Variants in ATP6V0E1 observed in about 807,000 individuals in gnomAD.
ATP6V0E1 encodes ATPase H+ transporting V0 subunit e1.
Under a neutral mutation model 11.6 loss-of-function variants are expected in ATP6V0E1, and 4 were observed. That is an observed-to-expected ratio of 0.35 (90% confidence interval 0.17 to 0.79). The LOEUF (loss-of-function observed/expected upper bound fraction) is 0.79, where lower values mean the gene tolerates loss of function less well. Among genes scored for constraint, ATP6V0E1 ranks in the 30% least tolerant of loss-of-function variants. The probability of loss-of-function intolerance (pLI) is 0.54; values close to 1 mark genes in which losing one functional copy is unlikely to be tolerated. For missense variants in ATP6V0E1, 105 were observed against 100.0 expected, an observed-to-expected ratio of 1.05 and a Z score of -0.21; for synonymous variants, 36 against 34.8, an observed-to-expected ratio of 1.04 and a Z score of -0.13.
chr5:173,031,038 G>A (rs1268362163), intron 3 of ATP6V0E1, among the ~76,000 whole-genome samples: 2 of 151,432 alleles, frequency 1.3e-5, no homozygotes, highest in South Asian at 4.2e-4. Flanking sequence ...TCTGCCTCCC[G>A]GGTTCATGCC....
intron 3 of ATP6V0E1, among the ~76,000 whole-genome samples, chr5:173,025,618 C>T (rs984462651): frequency 5.1e-5 from 7 of 137,380 alleles, no homozygotes; most frequent in African/African-American, 1.7e-4. Context: ...CCTCAGCCTT[C>T]TGATTATCTG....
intron 1 of ATP6V0E1, among the ~76,000 whole-genome samples, chr5:172,985,638 A>G (rs1019502907): frequency 6.6e-6 from 1 of 152,226 alleles, no homozygotes. Context: ...TACTCAAAGA[A>G]GCATTTATTA....
intron 3 of ATP6V0E1, among the ~76,000 whole-genome samples, chr5:173,030,979 C>T (rs1166408570): frequency 1.3e-5 from 2 of 151,452 alleles, no homozygotes; most frequent in African/African-American, 2.4e-5. Flanking sequence ...GAGTCTTGCT[C>T]TGTCGCCCAG....
intron 3 of ATP6V0E1, among the ~76,000 whole-genome samples, chr5:173,028,990 A>T (rs979723796): frequency 6.6e-6 from 1 of 152,240 alleles, no homozygotes; most frequent in Non-Finnish European, 1.5e-5. Flanking sequence ...GTTGCCTGGT[A>T]GATGATCTGA....
chr5:173,014,976 G>A (rs973483003), intron 2 of ATP6V0E1, among the ~76,000 whole-genome samples: 1 of 152,154 alleles, frequency 6.6e-6, no homozygotes, highest in Admixed American at 6.6e-5. Context: ...CAAGAAAGGG[G>A]TCTTCATTCT....
intron 1 of ATP6V0E1, among the ~76,000 whole-genome samples, chr5:172,994,222 G>A (rs1042899515): frequency 6.6e-6 from 1 of 152,118 alleles, no homozygotes; most frequent in Non-Finnish European, 1.5e-5. Flanking sequence ...AGGGTGGGTC[G>A]GTTGGGTGAA....
intron 3 of ATP6V0E1, among the ~76,000 whole-genome samples, chr5:173,025,668 G>A (rs914662740): frequency 1.3e-4 from 19 of 149,692 alleles, no homozygotes; most frequent in African/African-American, 4.4e-4. Context: ...CTAATTTTTT[G>A]TATTTTTGGT....
chr5:172,992,074 G>A (rs930601490), intron 1 of ATP6V0E1, among the ~76,000 whole-genome samples: 104 of 147,548 alleles, frequency 7.0e-4, no homozygotes, highest in African/African-American at 2.6e-3. Flanking sequence ...TTTTTGAGAC[G>A]GAGTCTCGCT....
At chr5:173,034,013 C>T (rs979296653) in intron 3 of ATP6V0E1, among the ~76,000 whole-genome samples, 1 of 152,208 alleles carries the variant, frequency 6.6e-6, no homozygotes, top group African/African-American at 2.4e-5. Flanking sequence ...TCCCCAGGAG[C>T]CTGGCCCCAG....
intron 3 of ATP6V0E1, among the ~76,000 whole-genome samples, chr5:173,030,357 GAAGAAT>G (rs1246219322): frequency 6.6e-6 from 1 of 151,522 alleles, no homozygotes; most frequent in Non-Finnish European, 1.5e-5. Flanking sequence ...TATCGTTTAA[GAAGAAT>G]ATTCACTTAC....
chr5:172,998,686 A>C (rs540326797), intron 2 of ATP6V0E1, among the ~76,000 whole-genome samples: 1 of 152,100 alleles, frequency 6.6e-6, no homozygotes, highest in East Asian at 1.9e-4. Flanking sequence ...ACGATGGTTG[A>C]CCATCAGCCT....
intron 2 of ATP6V0E1, among the ~76,000 whole-genome samples, chr5:173,017,288 C>A (rs1756413459): frequency 1.3e-5 from 2 of 152,156 alleles, no homozygotes; most frequent in African/African-American, 4.8e-5. Context: ...AATCCCAGCA[C>A]TTTGGGAGGC....
chr5:172,987,302 G>C (rs1416203458), intron 1 of ATP6V0E1: 2 of 137,082 alleles, frequency 1.5e-5, no homozygotes, highest in African/African-American at 2.8e-5. Context: ...TTTTTTCTTT[G>C]AGATGGACTC....
intron 1 of ATP6V0E1, among the ~76,000 whole-genome samples, chr5:172,990,065 T>G (rs1212536241): frequency 6.6e-6 from 1 of 152,134 alleles, no homozygotes; most frequent in Non-Finnish European, 1.5e-5. Context: ...CTTGAACTCC[T>G]GACTTCAAGC....
rs143909253 is a variant in ATP6V0E1 at position 172,983,981 on chromosome 5, C to T, written c.104+17C>T. The T allele has an allele frequency of 1.2e-4, 195 of 1,609,572 alleles. 2 individuals carry two copies. The Middle Eastern group carries it at 2.3e-3, about 19-fold the overall frequency. ...TAACCGGGGGTAAGTGCGTGAGGCC[C>T]GCCTTGGGAGGAACGGGCGGTGAGG... is the stretch of plus-strand genomic sequence containing the variant. On this transcript the variant is annotated intron_variant, in intron 1 of 3. Transcript: ENST00000519374.
intron 2 of ATP6V0E1, among the ~76,000 whole-genome samples, chr5:173,013,537 T>C (rs975447317): frequency 7.3e-6 from 1 of 136,778 alleles, no homozygotes; most frequent in Non-Finnish European, 1.5e-5. Flanking sequence ...ATTGCGCCAC[T>C]GCACTCCAGC....
intron 2 of ATP6V0E1, among the ~76,000 whole-genome samples, chr5:172,999,574 A>G (rs1478325347): frequency 6.6e-6 from 1 of 152,166 alleles, no homozygotes; most frequent in Non-Finnish European, 1.5e-5. Flanking sequence ...CAGTCTTCTC[A>G]CCTCAGCCTT....
In ATP6V0E1 at chr5:173,021,957, C is replaced by T. The variant is rs182740190; in HGVS notation, c.*36+1590C>T. ...GGCTGAGGCAGGAGAATGGCTTGAA[C>T]CCAGGAGGCAGAGCTTGCAGTGAGG... On this transcript the variant is annotated intron_variant, in intron 3 of 3. Coordinates refer to ENST00000519374, the MANE Select transcript of ATP6V0E1 (RefSeq NM_003945.4). 5.1e-3 allele frequency among the ~76,000 whole-genome samples: 776 copies of T among 152,276 alleles called. 8 individuals carry two copies. The highest frequency in any genetic ancestry group is 0.018 in the African/African-American group (738 of 41,560).
Position 173,034,616 on chromosome 5 carries a change from A to G in ATP6V0E1, c.*254A>G. The G allele has an allele frequency of 1.7e-6, 1 of 590,750 alleles. No homozygotes were observed. The highest frequency in any genetic ancestry group is 2.0e-5 in the South Asian group (1 of 48,920). The allele number at this position is 590,750 out of a possible 1,614,324, so 36.6% of individuals were successfully genotyped here. ...TGCCGACTCCACAAAACGATTATGT[A>G]CTCTTCTGAGATAGAAGATGCTGTT... is the stretch of plus-strand genomic sequence containing the variant. On this transcript the variant is annotated 3_prime_UTR_variant, in exon 4 of 4. Transcript: ENST00000519374.
Sources: gnomAD v4.1 joint callset for allele counts (sites outside exome capture counted in the v4.1 genomes callset) on GRCh38, gnomAD v4.1.1 for gene constraint, MANE v1.5 for transcripts, NCBI Gene and HGNC (gene_info 2026-07-23, HGNC 2026-07-21) for gene names.